Variants in CNOT10 observed in about 807,000 individuals in gnomAD.
The protein encoded by CNOT10 is CCR4-NOT transcription complex subunit 10, also known as CCR4-NOT transcription complex, subunit 10.
In CNOT10, 30 loss-of-function variants were observed where a neutral mutation model predicts 94.6. That is an observed-to-expected ratio of 0.32 (90% CI 0.24 to 0.43). CNOT10 has a LOEUF of 0.43. Ranked by LOEUF, CNOT10 falls within the 20% of genes least tolerant of loss-of-function variation. CNOT10 has a pLI of 1.00. For missense variants in CNOT10, 759 were observed against 877.2 expected (o/e 0.87, Z 1.70); for synonymous variants, 289 against 301.6 (o/e 0.96, Z 0.43).
intron 13 of CNOT10, among the ~76,000 whole-genome samples, chr3:32,744,324 T>G (rs1699604261): frequency 6.6e-6 from 1 of 152,204 alleles, no homozygotes; most frequent in Non-Finnish European, 1.5e-5. Context: ...ATTTGACCCC[T>G]TGTGTTCAAT....
At chr3:32,695,954 A>C (rs1386367727) in intron 1 of CNOT10, 18 of 714,380 alleles carry the variant, frequency 2.5e-5, no homozygotes, top group Non-Finnish European at 3.9e-5. Flanking sequence ...AATAAAAATA[A>C]TCCTGTTGAA....
chr3:32,720,041 CA>C lies in CNOT10; in HGVS notation c.745-71del, dbSNP rs376245870. 7.5e-4 allele frequency: 513 copies of C among 679,592 alleles called. 2 individuals carry two copies. In the African/African-American group the frequency reaches 7.6e-3, roughly 10 times the overall value. 42.1% of individuals were successfully genotyped at this position (679,592 alleles called of 1,614,324 possible). ...ATTTATGGTTTTGAACACGTCAGTA[CA>C]ACAGTATAATTAAGATCTTACATTA... On this transcript the variant is annotated intron_variant, in intron 7 of 18. Coordinates refer to ENST00000328834, the MANE Select transcript of CNOT10 (RefSeq NM_015442.3).
intron 13 of CNOT10, among the ~76,000 whole-genome samples, chr3:32,737,844 A>T (rs534812501): frequency 1.3e-5 from 2 of 151,946 alleles, no homozygotes; most frequent in Non-Finnish European, 2.9e-5. Context: ...TCTTGTTGAT[A>T]CTGTTAATAT....
At chr3:32,721,441 T>TTA (rs761047255) in intron 8 of CNOT10, among the ~76,000 whole-genome samples, 6 of 139,478 alleles carry the variant, frequency 4.3e-5, no homozygotes, top group African/African-American at 1.6e-4. Flanking sequence ...TTTTTTTTTT[T>TTA]TTTTTTTTTT....
At chr3:32,725,723 A>C in intron 9 of CNOT10, 124 bp downstream of exon 9, 1 of 836,126 alleles carries the variant, frequency 1.2e-6, no homozygotes, top group Non-Finnish European at 1.8e-6. Context: ...ATCTTACCCA[A>C]CAAGTTTGGC....
At chr3:32,695,749 T>G (rs1193131719) in intron 1 of CNOT10, 1 of 1,535,866 alleles carries the variant, frequency 6.5e-7, no homozygotes, top group East Asian at 2.4e-5. Context: ...TGAACGGTCG[T>G]ATACTCTTTC....
Position 32,708,675 on chromosome 3 carries a change from C to T in CNOT10, c.285C>T (p.His95=), listed in dbSNP as rs766085020. Residue 95 remains histidine (H), a synonymous_variant, in exon 4 of 19, where the codon CAC becomes CAT. Coordinates refer to ENST00000328834, the MANE Select transcript of CNOT10 (RefSeq NM_015442.3). The stretch of plus-strand genomic sequence containing the variant: ...CTCTGTTGATTGCTTTATAGGTCCA[C>T]TCAGCTGTTGAAGAAATGGATGGAT... ...QTLNQLKNQV[H]SAVEEMDGLD... The T allele has an allele frequency of 2.7e-5, 43 of 1,610,486 alleles. No homozygotes were observed. The highest frequency in any genetic ancestry group is 3.4e-5 in the Non-Finnish European group (40 of 1,178,984).
At chr3:32,726,219 C>A (rs1698658725) in intron 9 of CNOT10, among the ~76,000 whole-genome samples, 1 of 152,178 alleles carries the variant, frequency 6.6e-6, no homozygotes, top group African/African-American at 2.4e-5. Flanking sequence ...GCTGGAATTA[C>A]AAGCATAAGC....
chr3:32,687,455 T>TGTTTG (rs1428343456), intron 1 of CNOT10, among the ~76,000 whole-genome samples: 8 of 89,464 alleles, frequency 8.9e-5, no homozygotes, highest in East Asian at 3.4e-4. Context: ...TTTTTTTGTT[T>TGTTTG]TTTTTTTTTT....
chr3:32,760,486 G>T (rs930598404), intron 14 of CNOT10, among the ~76,000 whole-genome samples: 1 of 151,902 alleles, frequency 6.6e-6, no homozygotes, highest in Non-Finnish European at 1.5e-5. Flanking sequence ...ACAAAAATTA[G>T]CCAGGCATGG....
intron 13 of CNOT10, chr3:32,753,574 C>G: frequency 6.3e-7 from 1 of 1,586,716 alleles, no homozygotes; most frequent in Non-Finnish European, 8.6e-7. Flanking sequence ...ATGGGAAAAG[C>G]TAGAGGAGCA....
chr3:32,705,491 C>G (rs1697577066), intron 3 of CNOT10, among the ~76,000 whole-genome samples: 2 of 152,130 alleles, frequency 1.3e-5, no homozygotes, highest in African/African-American at 4.8e-5. Flanking sequence ...ATAGGATCAG[C>G]TAGCATATGT....
At chr3:32,714,366 A>G (rs1398476462) in intron 5 of CNOT10, among the ~76,000 whole-genome samples, 1 of 151,002 alleles carries the variant, frequency 6.6e-6, no homozygotes, top group Admixed American at 6.7e-5. Context: ...GATAAACACT[A>G]TTGCTTTCAT....
At chr3:32,762,630 C>T (rs1360069120) in intron 14 of CNOT10, 103 bp from the exon 15 acceptor site, 1 of 1,181,214 alleles carries the variant, frequency 8.5e-7, no homozygotes. Flanking sequence ...AAATATGAGA[C>T]CTATATCCAA....
chr3:32,726,821 G>A (rs990949161), intron 9 of CNOT10, among the ~76,000 whole-genome samples: 3 of 145,558 alleles, frequency 2.1e-5, no homozygotes, highest in African/African-American at 7.7e-5. Context: ...ACAATAAAAT[G>A]GTTAACCAAG....
At chr3:32,723,310 T>C (rs1698506157) in intron 8 of CNOT10, among the ~76,000 whole-genome samples, 1 of 151,094 alleles carries the variant, frequency 6.6e-6, no homozygotes, top group Admixed American at 6.6e-5. Context: ...GAGAATGGCA[T>C]GAACCCGGGA....
At chr3:32,772,243 A>G (rs891670738) in intron 18 of CNOT10, among the ~76,000 whole-genome samples, 16 of 152,304 alleles carry the variant, frequency 1.1e-4, no homozygotes, top group South Asian at 6.2e-4. Context: ...CCAGCTACTC[A>G]GCAGGCTGAG....
At chr3:32,690,869 T>C (rs1455925240) in intron 1 of CNOT10, among the ~76,000 whole-genome samples, 4 of 152,082 alleles carry the variant, frequency 2.6e-5, no homozygotes, top group Non-Finnish European at 4.4e-5. Context: ...TTTTCAACTT[T>C]TTATTATGAA....
At chr3:32,706,593 T>G (rs756862603) in intron 3 of CNOT10, among the ~76,000 whole-genome samples, 2 of 152,232 alleles carry the variant, frequency 1.3e-5, no homozygotes, top group South Asian at 4.1e-4. Flanking sequence ...GTTTTTCTTT[T>G]GGCTGGAGCA....
Sources: allele counts gnomAD v4.1 joint callset (sites outside exome capture counted in the v4.1 genomes callset), GRCh38; gene constraint gnomAD v4.1.1; transcripts MANE v1.5; gene names NCBI Gene and HGNC (gene_info 2026-07-23, HGNC 2026-07-21).